Variants in ZNF385D observed in about 807,000 individuals in gnomAD.
The protein encoded by ZNF385D is zinc finger protein 659.
A neutral mutation model predicts 35.8 loss-of-function variants in ZNF385D; 15 were observed. That is an observed-to-expected ratio of 0.42 (90% confidence interval 0.28 to 0.64). ZNF385D has a LOEUF of 0.64. Ranked by LOEUF, ZNF385D falls within the 30% of genes least tolerant of loss-of-function variation. The pLI, the probability that ZNF385D is intolerant of heterozygous loss-of-function variation, is 0.23. For missense variants in ZNF385D, 474 were observed against 494.6 expected, an observed-to-expected ratio of 0.96 and a Z score of 0.39; for synonymous variants, 212 against 186.8, an observed-to-expected ratio of 1.13 and a Z score of -1.10.
chr3:21,694,315 G>A (rs1437098110), intron 1 of ZNF385D, among the ~76,000 whole-genome samples: 1 of 151,924 alleles, frequency 6.6e-6, no homozygotes, highest in African/African-American at 2.4e-5. Flanking sequence ...GATTACAGGC[G>A]TGAGCCACCG....
At chr3:21,792,196 G>A (rs935966692) in intron 3 of ZNF385D, among the ~76,000 whole-genome samples, 1 of 152,124 alleles carries the variant, frequency 6.6e-6, no homozygotes, top group Non-Finnish European at 1.5e-5. Context: ...AAGTGATGGG[G>A]CAGATACATT....
intron 3 of ZNF385D, among the ~76,000 whole-genome samples, chr3:21,536,013 G>T (rs995666754): frequency 6.4e-5 from 7 of 109,166 alleles, no homozygotes; most frequent in African/African-American, 1.0e-4. Flanking sequence ...GATGGAGCTG[G>T]ATCTATTATG....
At chr3:22,266,172 C>A (rs750003409) in intron 2 of ZNF385D, among the ~76,000 whole-genome samples, 2 of 151,898 alleles carry the variant, frequency 1.3e-5, no homozygotes, top group Non-Finnish European at 2.9e-5. Context: ...TCCATTTGGA[C>A]CTTCATACAT....
In ZNF385D at chr3:21,772,788, A is replaced by G. The variant is rs577389811; in HGVS notation, c.326-107760T>C. Reference sequence around the variant, plus strand: ...CATAACAGTGTTATTCACAATTGCTAAAATCTGGAAGCAACCCAAGTGTCC... The same window carrying G: ...CATAACAGTGTTATTCACAATTGCTGAAATCTGGAAGCAACCCAAGTGTCC... On this transcript the variant is annotated intron_variant, in intron 3 of 5. Transcript: ENST00000494108. Among the ~76,000 whole-genome samples the G allele has an allele frequency of 3.6e-4, 55 of 152,098 alleles. 1 individual carries two copies. The highest frequency in any genetic ancestry group is 1.3e-3 in the African/African-American group (55 of 41,556).
chr3:21,603,915 G>A (rs997909402), intron 2 of ZNF385D, among the ~76,000 whole-genome samples: 1 of 152,126 alleles, frequency 6.6e-6, no homozygotes, highest in African/African-American at 2.4e-5. Context: ...TCTGGCTAAT[G>A]AAATAGGAGT....
At chr3:21,640,905 C>T (rs1324677881) in intron 2 of ZNF385D, among the ~76,000 whole-genome samples, 6 of 152,064 alleles carry the variant, frequency 3.9e-5, no homozygotes, top group Admixed American at 3.9e-4. Flanking sequence ...TGTATTCTTT[C>T]GTGTTTGTGA....
chr3:21,954,723 G>A (rs1279837859), intron 3 of ZNF385D, among the ~76,000 whole-genome samples: 3 of 152,010 alleles, frequency 2.0e-5, no homozygotes, highest in Non-Finnish European at 4.4e-5. Context: ...GACTTACTAA[G>A]GGAATCCATG....
intron 1 of ZNF385D, among the ~76,000 whole-genome samples, chr3:21,738,502 A>C (rs2125514367): frequency 6.6e-6 from 1 of 152,360 alleles, no homozygotes; most frequent in East Asian, 1.9e-4. Flanking sequence ...ATTATTAGTA[A>C]GTTACACCTC....
chr3:22,026,186 G>A (rs985181608), intron 3 of ZNF385D, among the ~76,000 whole-genome samples: 6 of 152,048 alleles, frequency 3.9e-5, no homozygotes, highest in Admixed American at 6.6e-5. Context: ...AAAATTCTAG[G>A]TCAAATGGAC....
intron 3 of ZNF385D, among the ~76,000 whole-genome samples, chr3:21,879,735 G>C (rs898138516): frequency 6.6e-6 from 1 of 152,014 alleles, no homozygotes; most frequent in African/African-American, 2.4e-5. Context: ...GGGCACCAGA[G>C]AGTCCTCATT....
chr3:21,924,895 T>C (rs1034401456), intron 3 of ZNF385D, among the ~76,000 whole-genome samples: 1 of 152,114 alleles, frequency 6.6e-6, no homozygotes, highest in African/African-American at 2.4e-5. Flanking sequence ...AGTAAGAAAG[T>C]GGTGCCCTCC....
chr3:21,780,114 G>A (rs569318116), intron 3 of ZNF385D, among the ~76,000 whole-genome samples: 1 of 151,982 alleles, frequency 6.6e-6, no homozygotes, highest in Admixed American at 6.6e-5. Flanking sequence ...CATCTGCACA[G>A]GAAATAAACA....
intron 3 of ZNF385D, among the ~76,000 whole-genome samples, chr3:22,135,039 ATAG>A (rs1251018548): frequency 2.6e-5 from 4 of 152,194 alleles, no homozygotes; most frequent in African/African-American, 9.6e-5. Flanking sequence ...TAAGAGAATC[ATAG>A]TAGAACTCTT....
At chr3:21,603,867 C>T (rs1214704430) in intron 2 of ZNF385D, among the ~76,000 whole-genome samples, 1 of 152,092 alleles carries the variant, frequency 6.6e-6, no homozygotes, top group Non-Finnish European at 1.5e-5. Flanking sequence ...GACTATGCTT[C>T]CCAGCACATG....
exon 2 of ZNF385D, chr3:22,372,746 G>T (rs115307469): frequency 6.6e-6 from 1 of 152,420 alleles, no homozygotes; most frequent in Non-Finnish European, 1.5e-5. Context: ...CGCCGCGCTC[G>T]CGGCGCTCCG....
intron 2 of ZNF385D, among the ~76,000 whole-genome samples, chr3:22,177,358 T>C (rs1377892106): frequency 6.6e-6 from 1 of 152,178 alleles, no homozygotes. Context: ...AGACCTGAGT[T>C]AGAGAATGAT....
intron 3 of ZNF385D, among the ~76,000 whole-genome samples, chr3:22,156,927 T>C (rs1342624331): frequency 6.6e-6 from 1 of 152,104 alleles, no homozygotes; most frequent in South Asian, 2.1e-4. Flanking sequence ...TCAAAGATAA[T>C]CTATCATTTT....
chr3:22,170,678 C>G (rs1056525571), intron 2 of ZNF385D, among the ~76,000 whole-genome samples: 7 of 151,870 alleles, frequency 4.6e-5, no homozygotes, highest in Non-Finnish European at 8.8e-5. Context: ...TAATTTTAAT[C>G]AAAGGAAAAT....
intron 2 of ZNF385D, among the ~76,000 whole-genome samples, chr3:21,628,845 G>C (rs968118290): frequency 6.6e-6 from 1 of 152,066 alleles, no homozygotes; most frequent in Non-Finnish European, 1.5e-5. Flanking sequence ...CACTTACTAT[G>C]TGCCAGTGAC....
Sources: allele counts gnomAD v4.1 joint callset (sites outside exome capture counted in the v4.1 genomes callset), GRCh38; gene constraint gnomAD v4.1.1; transcripts MANE v1.5; gene names NCBI Gene and HGNC (gene_info 2026-07-23, HGNC 2026-07-21).